The following FMN1 variants were observed in gnomAD, a reference collection of about 807,000 sequenced individuals.
FMN1 encodes formin-1.
A neutral mutation model predicts 132.4 loss-of-function variants in FMN1; 110 were observed. The observed-to-expected ratio is 0.83, with a 90% CI of 0.71 to 0.97. The LOEUF (loss-of-function observed/expected upper bound fraction) is 0.97. Among genes scored for constraint, FMN1 ranks in the 50% least tolerant of loss-of-function variants. The pLI, the probability that FMN1 is intolerant of heterozygous loss-of-function variation, is 0.00. For missense variants in FMN1, 1,792 were observed against 1,705.3 expected (o/e 1.05, Z -0.90); for synonymous variants, 722 against 651.7 (o/e 1.11, Z -1.64).
At chr15:32,933,078 T>C (rs1245238628) in intron 9 of FMN1, among the ~76,000 whole-genome samples, 1 of 148,022 alleles carries the variant, frequency 6.8e-6, no homozygotes, top group African/African-American at 2.7e-5. Context: ...TAGAGTCAGG[T>C]TGTTTATTTG....
chr15:32,978,016 CCTG>C (rs2032352718), intron 7 of FMN1, among the ~76,000 whole-genome samples: 1 of 152,040 alleles, frequency 6.6e-6, no homozygotes, highest in Admixed American at 6.6e-5. Flanking sequence ...GCCCCCACGC[CCTG>C]CTGATTTTTT....
At chr15:32,874,725 C>T (rs962983909) in intron 16 of FMN1, among the ~76,000 whole-genome samples, 14 of 152,222 alleles carry the variant, frequency 9.2e-5, no homozygotes, top group African/African-American at 3.4e-4. Context: ...TTATAAAGGA[C>T]TTGATCTTTC....
chr15:33,002,063 T>C (rs1045048138), intron 7 of FMN1, among the ~76,000 whole-genome samples: 2 of 152,256 alleles, frequency 1.3e-5, no homozygotes, highest in African/African-American at 4.8e-5. Flanking sequence ...AGTTCTCTGC[T>C]TATTTAGGTT....
intron 16 of FMN1, among the ~76,000 whole-genome samples, chr15:32,870,223 T>C (rs565127419): frequency 9.2e-5 from 14 of 152,320 alleles, no homozygotes; most frequent in Non-Finnish European, 1.9e-4. Flanking sequence ...AAAGCCATCA[T>C]GTCATAAAAA....
chr15:33,041,632 TA>T (rs1322263736), intron 6 of FMN1, among the ~76,000 whole-genome samples: 1 of 152,024 alleles, frequency 6.6e-6, no homozygotes, highest in Non-Finnish European at 1.5e-5. Context: ...TCAACCTTAC[TA>T]ATCATTAGAG....
At chr15:32,957,174 G>A (rs1037699202) in intron 9 of FMN1, among the ~76,000 whole-genome samples, 2 of 151,978 alleles carry the variant, frequency 1.3e-5, no homozygotes, top group African/African-American at 4.8e-5. Flanking sequence ...AACAAACAGA[G>A]ATGATTTATA....
chr15:32,817,144 AT>A (rs1298365367), intron 17 of FMN1, among the ~76,000 whole-genome samples: 1 of 152,224 alleles, frequency 6.6e-6, no homozygotes, highest in African/African-American at 2.4e-5. Flanking sequence ...AGCTTAACAC[AT>A]TTGTTAAATA....
At chr15:33,068,578 C>A (rs952438016) in intron 5 of FMN1, among the ~76,000 whole-genome samples, 11 of 152,204 alleles carry the variant, frequency 7.2e-5, no homozygotes, top group African/African-American at 2.4e-4. Context: ...AGCAATAGAT[C>A]ATCTCAAAAG....
At position 32,963,931 on chromosome 15, in the gene FMN1, A is replaced by G. The variant is rs1307906824; in HGVS notation, c.3138+176T>C. Among the ~76,000 whole-genome samples, 8 of 149,446 alleles carry G rather than the reference A, an allele frequency of 5.4e-5. No homozygotes were observed. The East Asian group carries it at 1.6e-3, about 29-fold the overall frequency. The stretch of plus-strand genomic sequence containing the variant: ...TAATGAATTCCTATGAATCACACAC[A>G]CACACACACACACACAGAATATGTA... On this transcript the variant is annotated intron_variant, in intron 9 of 20. Transcript: ENST00000616417.
intron 6 of FMN1, among the ~76,000 whole-genome samples, chr15:33,050,737 G>C (rs1034745507): frequency 6.6e-6 from 1 of 152,190 alleles, no homozygotes; most frequent in Non-Finnish European, 1.5e-5. Flanking sequence ...GTACTCACAG[G>C]TATGCATAAA....
intron 6 of FMN1, among the ~76,000 whole-genome samples, chr15:33,026,291 A>T (rs1189271754): frequency 6.6e-6 from 1 of 152,096 alleles, no homozygotes; most frequent in Admixed American, 6.6e-5. Flanking sequence ...TCTAAAGAAA[A>T]TATGATAAAA....
At chr15:33,160,544 G>GT (rs201210637) in intron 3 of FMN1, among the ~76,000 whole-genome samples, 2,175 of 152,294 alleles carry the variant, frequency 0.014, 31 homozygotes, top group Non-Finnish European at 0.023. Context: ...AAAAAGAGCA[G>GT]TAAGTCCTAA....
At chr15:33,165,453 C>T (rs962963320) in intron 3 of FMN1, among the ~76,000 whole-genome samples, 4 of 152,250 alleles carry the variant, frequency 2.6e-5, no homozygotes, top group African/African-American at 7.2e-5. Flanking sequence ...TGCAGTGGCG[C>T]GATCTCGGCT....
At chr15:33,000,952 A>C (rs2034067077) in intron 7 of FMN1, among the ~76,000 whole-genome samples, 1 of 152,220 alleles carries the variant, frequency 6.6e-6, no homozygotes, top group Non-Finnish European at 1.5e-5. Flanking sequence ...CACAGGCACA[A>C]GTACAGCAGG....
At chr15:32,891,117 A>G (rs1022929898) in intron 15 of FMN1, among the ~76,000 whole-genome samples, 5 of 152,142 alleles carry the variant, frequency 3.3e-5, no homozygotes, top group South Asian at 2.1e-4. Flanking sequence ...TTATACCAGT[A>G]CCACGTTGTT....
In FMN1 at chr15:32,773,357, T is replaced by TG. The variant is rs1389481336; in HGVS notation, c.*952dup. The stretch of plus-strand genomic sequence containing the variant: ...GCTCTCCTGTCTGGAAACTGCCTCC[T>TG]GGGGATGGGGGTCGTCCAGCTGCAC... On this transcript the variant is annotated 3_prime_UTR_variant, in exon 21 of 21. Coordinates refer to ENST00000616417, the MANE Select transcript of FMN1 (RefSeq NM_001277313.2). The TG allele has an allele frequency of 6.6e-6, 1 of 152,232 alleles. No homozygotes were observed. Among genetic ancestry groups the TG allele is most frequent in the Admixed American group, 6.6e-5 (1 of 15,262 alleles). 9.4% of individuals were successfully genotyped at this position (152,232 alleles called of 1,614,324 possible).
intron 12 of FMN1, among the ~76,000 whole-genome samples, chr15:32,907,906 C>A (rs2060466110): frequency 6.6e-6 from 1 of 152,030 alleles, no homozygotes; most frequent in Non-Finnish European, 1.5e-5. Flanking sequence ...TCAGTTACAC[C>A]CCGGAGTTCT....
intron 9 of FMN1, 89 bp from the exon 10 acceptor site, chr15:32,926,350 G>C (rs2140353926): frequency 3.0e-6 from 2 of 674,226 alleles, no homozygotes; most frequent in Admixed American, 3.4e-5. Flanking sequence ...AATTTTTTTA[G>C]ATACACTGAT....
chr15:33,102,143 A>G (rs568802479), intron 4 of FMN1, among the ~76,000 whole-genome samples: 1 of 152,164 alleles, frequency 6.6e-6, no homozygotes, highest in Admixed American at 6.5e-5. Flanking sequence ...GTGCTAATTT[A>G]TTTTATGTGT....
Sources: gnomAD v4.1 joint callset for allele counts (sites outside exome capture counted in the v4.1 genomes callset) on GRCh38, gnomAD v4.1.1 for gene constraint, MANE v1.5 for transcripts, NCBI Gene and HGNC (gene_info 2026-07-23, HGNC 2026-07-21) for gene names.